PTPN4: variants seen among roughly 807,000 people sequenced by gnomAD.
The protein encoded by PTPN4 is protein tyrosine phosphatase non-receptor type 4.
Under a neutral mutation model 135.5 loss-of-function variants are expected in PTPN4, and 49 were observed. The observed-to-expected ratio is 0.36, with a 90% CI of 0.29 to 0.46. PTPN4 has a LOEUF of 0.46. Ranked by LOEUF, PTPN4 falls within the 20% of genes least tolerant of loss-of-function variation. The pLI, the probability that PTPN4 is intolerant of heterozygous loss-of-function variation, is 1.00. For synonymous variants in PTPN4, 333 were observed against 369.9 expected (o/e 0.90, Z 1.14); for missense variants, 860 against 1,101.0 (o/e 0.78, Z 3.10).
At chr2:119,833,585 G>A (rs1335358919) in intron 2 of PTPN4, among the ~76,000 whole-genome samples, 2 of 152,030 alleles carry the variant, frequency 1.3e-5, no homozygotes, top group Non-Finnish European at 2.9e-5. Context: ...ATTTTGTATT[G>A]TGACCTGGTC....
At chr2:119,860,448 A>G (rs1040594219) in intron 2 of PTPN4, among the ~76,000 whole-genome samples, 5 of 152,218 alleles carry the variant, frequency 3.3e-5, no homozygotes, top group Non-Finnish European at 7.3e-5. Context: ...AGGCTCACGA[A>G]TATAGCCAAC....
chr2:119,906,147 A>G lies in PTPN4; in HGVS notation c.764+5341A>G, dbSNP rs145915955. Reference sequence around the variant, plus strand: ...ATCAAGTAGAGACTGTAAAAATAATACAAAGGATCAACAAATTGAAATTTG... The same window carrying G: ...ATCAAGTAGAGACTGTAAAAATAATGCAAAGGATCAACAAATTGAAATTTG... On this transcript the variant is annotated intron_variant, in intron 10 of 26. Transcript: ENST00000263708. Among the ~76,000 whole-genome samples the G allele has an allele frequency of 2.5e-3, 380 of 152,310 alleles. 2 individuals are homozygous for G. Among genetic ancestry groups the G allele is most frequent in the Admixed American group, 7.1e-3 (109 of 15,302 alleles).
chr2:119,906,262 G>A (rs1296839432), intron 10 of PTPN4, among the ~76,000 whole-genome samples: 1 of 152,006 alleles, frequency 6.6e-6, no homozygotes, highest in African/African-American at 2.4e-5. Context: ...CTGGGTACTC[G>A]GGAGACTGAG....
intron 1 of PTPN4, among the ~76,000 whole-genome samples, chr2:119,804,215 G>T (rs1295049414): frequency 3.3e-5 from 5 of 151,922 alleles, no homozygotes; most frequent in Non-Finnish European, 7.4e-5. Context: ...TGGGCTCAAG[G>T]GATCCTCCTA....
chr2:119,786,436 G>T (rs1691048941), intron 1 of PTPN4, among the ~76,000 whole-genome samples: 1 of 152,140 alleles, frequency 6.6e-6, no homozygotes, highest in South Asian at 2.1e-4. Context: ...GCAGGACTTG[G>T]CAAGGAAGAC....
At chr2:119,789,173 TGA>T (rs1691096165) in intron 1 of PTPN4, among the ~76,000 whole-genome samples, 2 of 152,106 alleles carry the variant, frequency 1.3e-5, no homozygotes, top group Non-Finnish European at 2.9e-5. Context: ...GTTTTCCTAA[TGA>T]TTAGTGATAT....
At chr2:119,861,062 AG>A (rs1053408062) in intron 2 of PTPN4, among the ~76,000 whole-genome samples, 4 of 151,156 alleles carry the variant, frequency 2.6e-5, no homozygotes, top group Admixed American at 2.6e-4. Context: ...AAAAAAAAAA[AG>A]TTTATTTTGG....
intron 3 of PTPN4, among the ~76,000 whole-genome samples, chr2:119,866,436 T>A (rs764710845): frequency 6.6e-6 from 1 of 152,086 alleles, no homozygotes; most frequent in Non-Finnish European, 1.5e-5. Flanking sequence ...GGAGCTTGCA[T>A]GAGAAACAAC....
intron 3 of PTPN4, among the ~76,000 whole-genome samples, chr2:119,873,699 A>T (rs1162838006): frequency 6.6e-6 from 1 of 152,230 alleles, no homozygotes; most frequent in Non-Finnish European, 1.5e-5. Context: ...TTAACTAGAT[A>T]GTTATAGTTT....
At chr2:119,790,495 G>C (rs1455580323) in intron 1 of PTPN4, among the ~76,000 whole-genome samples, 1 of 151,694 alleles carries the variant, frequency 6.6e-6, no homozygotes, top group Non-Finnish European at 1.5e-5. Context: ...ACTGAAATTA[G>C]TATTAGTATA....
intron 10 of PTPN4, among the ~76,000 whole-genome samples, chr2:119,914,533 A>G (rs1433109467): frequency 1.3e-5 from 2 of 152,070 alleles, no homozygotes; most frequent in Non-Finnish European, 2.9e-5. Context: ...AAAGATTAAG[A>G]CTTAGAATTA....
chr2:119,840,851 T>C (rs935320585), intron 2 of PTPN4, among the ~76,000 whole-genome samples: 1 of 152,084 alleles, frequency 6.6e-6, no homozygotes, highest in Admixed American at 6.6e-5. Flanking sequence ...GATGTTAAGC[T>C]TTTTGGTTGG....
chr2:119,977,490 A>G lies in PTPN4; in HGVS notation c.*420A>G, dbSNP rs1679634870. 6.5e-6 allele frequency: 1 copy of G among 154,214 alleles called. No homozygotes were observed. 9.6% of individuals were successfully genotyped at this position (154,214 alleles called of 1,614,324 possible). A position where few individuals can be genotyped will look rare whatever the true frequency, so the allele number is the denominator to read the frequency against. On this transcript the variant is annotated 3_prime_UTR_variant, in exon 27 of 27. Coordinates refer to ENST00000263708, the MANE Select transcript of PTPN4 (RefSeq NM_002830.4). ...TTTTGCAGTGGTTTGCGTACTTACT[A>G]TACTGATTACCAGATTTTATTTTTA...
At chr2:119,786,751 G>A (rs111242301) in intron 1 of PTPN4, among the ~76,000 whole-genome samples, 3,522 of 152,192 alleles carry the variant, frequency 0.023, 126 homozygotes, top group African/African-American at 0.077. Context: ...CCACATTAAT[G>A]GTGGAAGGGA....
intron 1 of PTPN4, among the ~76,000 whole-genome samples, chr2:119,784,718 T>G (rs1312997858): frequency 2.3e-4 from 34 of 145,248 alleles, no homozygotes; most frequent in African/African-American, 5.8e-4. Context: ...TTTTTTTTTT[T>G]GTAGAGATGG....
chr2:119,882,572 A>G lies in PTPN4; in HGVS notation c.536A>G (p.Asn179Ser). ...CTCTCAGATTATTCTTTCATTCCTAATCAACCTCAAGATTTTGAAAAAGAA... is the reference window on the plus strand; with the variant it reads ...CTCTCAGATTATTCTTTCATTCCTAGTCAACCTCAAGATTTTGAAAAAGAA... ...GYLSDYSFIP[N>S]QPQDFEKEIA... The change falls in exon 8 of 27, where the codon AAT (asparagine) becomes AGT (serine). Residue 179 changes from asparagine (N) to serine (S), a missense_variant. Asn to Ser is a conservative substitution (Grantham distance 46). This residue lies in a region of PTPN4 where 684 missense variants were observed against 807.0 expected (regional missense o/e 0.85). Coordinates refer to ENST00000263708, the MANE Select transcript of PTPN4 (RefSeq NM_002830.4). 1.9e-6 allele frequency: 3 copies of G among 1,562,184 alleles called. No individual in the cohort carries two copies. The highest frequency in any genetic ancestry group is 2.6e-6 in the Non-Finnish European group (3 of 1,143,760).
intron 2 of PTPN4, among the ~76,000 whole-genome samples, chr2:119,840,851 T>G (rs935320585): frequency 3.9e-5 from 6 of 152,084 alleles, no homozygotes. Flanking sequence ...GATGTTAAGC[T>G]TTTTGGTTGG....
At chr2:119,833,340 C>G (rs887519184) in intron 2 of PTPN4, among the ~76,000 whole-genome samples, 7 of 151,644 alleles carry the variant, frequency 4.6e-5, no homozygotes, top group Non-Finnish European at 8.8e-5. Context: ...TTTCTGGGCC[C>G]TTTTTCCTAT....
Position 119,893,743 on chromosome 2 carries a change from C to T in PTPN4, c.676-6975C>T, listed in dbSNP as rs551224503. Among the ~76,000 whole-genome samples, 7 of 152,248 alleles carry T rather than the reference C, an allele frequency of 4.6e-5. No homozygotes were observed. In the East Asian group the frequency reaches 1.4e-3, roughly 29 times the overall value. On this transcript the variant is annotated intron_variant, in intron 9 of 26. Transcript: ENST00000263708. ...CTATCAAAGACACAAATGTGTGTCT[C>T]TGAAGCCAAGTAAATCAGGAGCAGT...
Sources: gnomAD v4.1 joint callset for allele counts (sites outside exome capture counted in the v4.1 genomes callset) on GRCh38, gnomAD v4.1.1 for gene constraint, gnomAD v4.1.1 regional missense constraint, MANE v1.5 for transcripts, NCBI Gene and HGNC (gene_info 2026-07-23, HGNC 2026-07-21) for gene names.